Variants in SUPT3H observed in about 807,000 individuals in gnomAD.
SUPT3H encodes transcription initiation protein SPT3 homolog.
SUPT3H carries 44 observed loss-of-function variants against 44.3 expected under a neutral mutation model. The observed-to-expected ratio is 0.99, with a 90% CI of 0.78 to 1.28. The LOEUF is 1.28. SUPT3H is among the 50% of genes most tolerant of loss of function. SUPT3H has a pLI of 0.00. For missense variants in SUPT3H, 380 were observed against 387.1 expected, an observed-to-expected ratio of 0.98 and a Z score of 0.15; for synonymous variants, 124 against 125.6, an observed-to-expected ratio of 0.99 and a Z score of 0.09.
intron 10 of SUPT3H, among the ~76,000 whole-genome samples, chr6:44,885,004 G>C (rs563418123): frequency 6.6e-5 from 10 of 152,284 alleles, no homozygotes; most frequent in Admixed American, 4.6e-4. Flanking sequence ...CACGGAGTCT[G>C]GCTGATTGCT....
intron 3 of SUPT3H, among the ~76,000 whole-genome samples, chr6:45,094,223 T>C (rs1456250356): frequency 6.6e-6 from 1 of 152,054 alleles, no homozygotes; most frequent in Non-Finnish European, 1.5e-5. Flanking sequence ...TGGTACAGGA[T>C]ACAAGTAGCT....
intron 2 of SUPT3H, among the ~76,000 whole-genome samples, chr6:45,243,196 T>TAAAAA (rs1770696040): frequency 1.5e-4 from 1 of 6,706 alleles, no homozygotes; most frequent in Non-Finnish European, 2.2e-4. Context: ...AGACTCCTTC[T>TAAAAA]CAAAAAAAAA....
intron 10 of SUPT3H, among the ~76,000 whole-genome samples, chr6:44,842,466 T>C (rs1359371143): frequency 6.6e-6 from 1 of 152,144 alleles, no homozygotes; most frequent in Non-Finnish European, 1.5e-5. Flanking sequence ...AGGTAAGTGG[T>C]ATCAGTGTCA....
At chr6:45,016,680 G>A (rs1209773049) in intron 4 of SUPT3H, among the ~76,000 whole-genome samples, 1 of 151,686 alleles carries the variant, frequency 6.6e-6, no homozygotes, top group South Asian at 2.1e-4. Context: ...AACTCATCAC[G>A]TTTTATGGCT....
chr6:45,185,410 A>G (rs768758277), intron 2 of SUPT3H, among the ~76,000 whole-genome samples: 4 of 152,156 alleles, frequency 2.6e-5, no homozygotes, highest in Non-Finnish European at 5.9e-5. Context: ...AAGCAAAGAG[A>G]CTTGTGAAAA....
intron 1 of SUPT3H, among the ~76,000 whole-genome samples, chr6:45,375,359 A>T (rs567617530): frequency 4.6e-5 from 7 of 152,320 alleles, no homozygotes; most frequent in African/African-American, 1.7e-4. Flanking sequence ...TAAATAAAAT[A>T]ATTGTGCTGG....
chr6:45,173,775 C>T (rs1811223520), intron 2 of SUPT3H, among the ~76,000 whole-genome samples: 1 of 152,230 alleles, frequency 6.6e-6, no homozygotes, highest in South Asian at 2.1e-4. Context: ...GAGGCATTAA[C>T]ACTTCTTTAA....
intron 1 of SUPT3H, among the ~76,000 whole-genome samples, chr6:45,373,135 A>G (rs1193871688): frequency 6.6e-6 from 1 of 152,038 alleles, no homozygotes; most frequent in African/African-American, 2.4e-5. Flanking sequence ...AATTTTTTCT[A>G]GAGACCAGGT....
chr6:44,895,254 G>GTTTTT (rs60637782), intron 10 of SUPT3H, among the ~76,000 whole-genome samples: 1 of 119,318 alleles, frequency 8.4e-6, no homozygotes, highest in Non-Finnish European at 1.8e-5. Flanking sequence ...ACTTAGTCTT[G>GTTTTT]TTTTTTTTTT....
intron 3 of SUPT3H, among the ~76,000 whole-genome samples, chr6:45,088,532 T>C (rs1462611067): frequency 6.6e-6 from 1 of 152,080 alleles, no homozygotes; most frequent in Non-Finnish European, 1.5e-5. Flanking sequence ...AAATGAGGAC[T>C]TGGATTAAGG....
In SUPT3H at chr6:45,034,460, T is replaced by C. The variant is rs111853733; in HGVS notation, c.187-13828A>G. Among the ~76,000 whole-genome samples, 824 of 152,284 alleles carry C rather than the reference T, an allele frequency of 5.4e-3. 12 individuals carry two copies. Among genetic ancestry groups the C allele is most frequent in the African/African-American group, 0.019 (795 of 41,564 alleles). Reference sequence around the variant, plus strand: ...AGTGTCATATAAGTCTTTAGAATTATCAAGAACAGCCTCACCAGGGCCATT... The same window carrying C: ...AGTGTCATATAAGTCTTTAGAATTACCAAGAACAGCCTCACCAGGGCCATT... On this transcript the variant is annotated intron_variant, in intron 3 of 10. Coordinates refer to ENST00000371459, the MANE Select transcript of SUPT3H (RefSeq NM_003599.4).
At chr6:45,007,288 C>A (rs1440059033) in intron 5 of SUPT3H, among the ~76,000 whole-genome samples, 1 of 152,002 alleles carries the variant, frequency 6.6e-6, no homozygotes, top group Non-Finnish European at 1.5e-5. Context: ...ATCTACTCAA[C>A]TTTTTTTACT....
intron 1 of SUPT3H, among the ~76,000 whole-genome samples, chr6:45,366,971 G>T (rs1795240738): frequency 6.6e-6 from 1 of 152,092 alleles, no homozygotes; most frequent in Admixed American, 6.6e-5. Flanking sequence ...ACTCCTGTGG[G>T]TAATGATAAA....
chr6:45,165,599 G>A (rs1022482520), intron 2 of SUPT3H, among the ~76,000 whole-genome samples: 26 of 152,082 alleles, frequency 1.7e-4, no homozygotes, highest in African/African-American at 5.3e-4. Flanking sequence ...AAAGGTCCTA[G>A]TGGAAAAAGG....
chr6:45,194,096 T>C (rs922527781), intron 2 of SUPT3H, among the ~76,000 whole-genome samples: 1 of 152,174 alleles, frequency 6.6e-6, no homozygotes, highest in Admixed American at 6.6e-5. Context: ...CTTTACACGG[T>C]CTATGTGGTT....
intron 2 of SUPT3H, among the ~76,000 whole-genome samples, chr6:45,272,068 CA>C (rs1776281518): frequency 6.6e-6 from 1 of 152,142 alleles, no homozygotes; most frequent in Non-Finnish European, 1.5e-5. Context: ...TAGGAAGTAA[CA>C]AACTTGCTTT....
intron 2 of SUPT3H, among the ~76,000 whole-genome samples, chr6:45,293,447 C>T (rs1347371664): frequency 6.6e-6 from 1 of 151,934 alleles, no homozygotes; most frequent in African/African-American, 2.4e-5. Flanking sequence ...CAAGAACAAA[C>T]CAAACCCAAG....
At chr6:45,274,044 G>C (rs569075208) in intron 2 of SUPT3H, among the ~76,000 whole-genome samples, 1 of 152,166 alleles carries the variant, frequency 6.6e-6, no homozygotes, top group Non-Finnish European at 1.5e-5. Flanking sequence ...TTTGCCAATA[G>C]CTAATGACAT....
intron 2 of SUPT3H, among the ~76,000 whole-genome samples, chr6:45,283,111 G>C (rs1405686445): frequency 2.6e-5 from 4 of 152,158 alleles, no homozygotes; most frequent in Admixed American, 2.0e-4. Flanking sequence ...GGAACAACCA[G>C]TACCAGCCAC....
Sources: allele counts gnomAD v4.1 joint callset (sites outside exome capture counted in the v4.1 genomes callset), GRCh38; gene constraint gnomAD v4.1.1; transcripts MANE v1.5; gene names NCBI Gene and HGNC (gene_info 2026-07-23, HGNC 2026-07-21).